Variants in SYTL5 observed in about 807,000 individuals in gnomAD.
The protein encoded by SYTL5 is synaptotagmin-like protein 5.
In SYTL5, 34 loss-of-function variants were observed where a neutral mutation model predicts 55.9. The ratio of observed to expected loss-of-function variants is 0.61; its 90% CI spans 0.46 to 0.81. The LOEUF is 0.81. Ranked by LOEUF, SYTL5 falls within the 30% of genes least tolerant of loss-of-function variation. SYTL5 has a pLI of 0.00. For synonymous variants in SYTL5, 221 were observed against 188.7 expected, an observed-to-expected ratio of 1.17 and a Z score of -1.40; for missense variants, 637 against 546.7, an observed-to-expected ratio of 1.17 and a Z score of -1.65.
At chrX:38,069,892 ATAACT>A (rs989510498) in intron 3 of SYTL5, among the ~76,000 whole-genome samples, 5 of 112,101 alleles carry the variant, frequency 4.5e-5, no homozygotes, top group Non-Finnish European at 9.4e-5. Flanking sequence ...GTATCCAGAA[ATAACT>A]TAACCCATTC....
chrX:38,072,057 A>T lies in SYTL5; in HGVS notation c.340A>T (p.Ile114Phe). 1 of 1,205,369 alleles carries T rather than the reference A, an allele frequency of 8.3e-7. No individual in the cohort carries two copies. Among genetic ancestry groups the T allele is most frequent in the Non-Finnish European group, 1.1e-6 (1 of 890,069 alleles). The part of the protein sequence containing the change: ...TVCDKIAQLR[I>F]ITGEWFFEEK... Reference sequence around the variant, plus strand: ...TTTTCCCTTGAGTAGGCAGCTAAGGATTATAACTGGTGAGTGGTTTTTTGA... The same window carrying T: ...TTTTCCCTTGAGTAGGCAGCTAAGGTTTATAACTGGTGAGTGGTTTTTTGA... Residue 114 changes from isoleucine to phenylalanine, a missense_variant, in exon 4 of 17, where the codon ATT becomes TTT. Physicochemically the swap from Ile to Phe is conservative, Grantham distance 21. Coordinates refer to ENST00000297875, the MANE Select transcript of SYTL5 (RefSeq NM_138780.3).
At chrX:38,036,255 A>G (rs777493574) in intron 2 of SYTL5, among the ~76,000 whole-genome samples, 22 of 111,365 alleles carry the variant, frequency 2.0e-4, no homozygotes, top group Non-Finnish European at 3.6e-4. Context: ...GCAGTGAGCC[A>G]AGATCGTGCC....
chrX:38,016,798 C>T (rs1340686145), intron 1 of SYTL5, among the ~76,000 whole-genome samples: 1 of 112,167 alleles, frequency 8.9e-6, no homozygotes, highest in Non-Finnish European at 1.9e-5. Context: ...GAACATTGAA[C>T]TTTCAAGAGC....
chrX:37,891,666 C>T, the SYTL5 span, among the ~76,000 whole-genome samples: 4 of 110,648 alleles, frequency 3.6e-5, no homozygotes, highest in Non-Finnish European at 5.7e-5. Context: ...CACATACATA[C>T]GTGTGTGTGT....
intron 14 of SYTL5, 72 bp downstream of exon 14, chrX:38,120,538 T>C: frequency 2.5e-6 from 2 of 794,314 alleles, no homozygotes; most frequent in Admixed American, 2.3e-5. Flanking sequence ...ACTCAGGGAT[T>C]GGTTGCATTA....
the SYTL5 span, among the ~76,000 whole-genome samples, chrX:37,891,089 A>G: frequency 6.2e-5 from 7 of 112,038 alleles, no homozygotes; most frequent in African/African-American, 2.3e-4. Context: ...TATAGTTTAA[A>G]CATAGAGTAC....
At chrX:37,971,833 C>A in the SYTL5 span, among the ~76,000 whole-genome samples, 5 of 106,969 alleles carry the variant, frequency 4.7e-5, no homozygotes, top group Non-Finnish European at 9.6e-5. Flanking sequence ...AAAGGAGGAA[C>A]TGAGCTGTGC....
At chrX:38,009,579 T>G (rs756877238) in intron 1 of SYTL5, among the ~76,000 whole-genome samples, 1 of 111,895 alleles carries the variant, frequency 8.9e-6, no homozygotes, top group Non-Finnish European at 1.9e-5. Flanking sequence ...GAAGCCATCC[T>G]CTCTCATCTC....
chrX:38,113,245 A>G (rs903422870), intron 13 of SYTL5, among the ~76,000 whole-genome samples: 1 of 112,405 alleles, frequency 8.9e-6, no homozygotes, highest in South Asian at 3.7e-4. Flanking sequence ...AGGTTTTATC[A>G]GTATGAATTG....
chrX:38,040,330 A>C (rs73465427), intron 2 of SYTL5, among the ~76,000 whole-genome samples: 10,888 of 110,931 alleles, frequency 0.098, 867 homozygotes, highest in Admixed American at 0.23. Context: ...TTGAGTTACA[A>C]ATAATCCAAA....
chrX:37,966,586 C>T, the SYTL5 span, among the ~76,000 whole-genome samples: 2 of 108,640 alleles, frequency 1.8e-5, no homozygotes, highest in Non-Finnish European at 3.8e-5. Flanking sequence ...TACAGATGCA[C>T]GCCACCACGT....
At chrX:37,901,725 C>A in the SYTL5 span, among the ~76,000 whole-genome samples, 1 of 111,758 alleles carries the variant, frequency 8.9e-6, no homozygotes, top group South Asian at 3.7e-4. Flanking sequence ...CTAGAATAGG[C>A]AACAAATGAA....
At chrX:37,980,628 A>G in the SYTL5 span, among the ~76,000 whole-genome samples, 2 of 112,201 alleles carry the variant, frequency 1.8e-5, no homozygotes, top group East Asian at 5.6e-4. Context: ...TGGAAACTCC[A>G]CTTAGGACTG....
At chrX:37,939,086 C>T in the SYTL5 span, among the ~76,000 whole-genome samples, 13 of 109,713 alleles carry the variant, frequency 1.2e-4, no homozygotes, top group African/African-American at 3.6e-4. Context: ...GGAGAAACCA[C>T]GTCTCTACTA....
chrX:38,038,085 A>G (rs1471881929), intron 2 of SYTL5, among the ~76,000 whole-genome samples: 1 of 111,653 alleles, frequency 9.0e-6, no homozygotes, highest in Non-Finnish European at 1.9e-5. Context: ...GGGTTAGACG[A>G]GGTACATCCA....
At chrX:37,933,457 T>A in the SYTL5 span, among the ~76,000 whole-genome samples, 1 of 111,700 alleles carries the variant, frequency 9.0e-6, no homozygotes, top group Non-Finnish European at 1.9e-5. Flanking sequence ...GTTGAAGCAC[T>A]CTGCAACATT....
At chrX:38,043,684 TATATATAC>T (rs1329469060) in intron 2 of SYTL5, among the ~76,000 whole-genome samples, 1,338 of 72,520 alleles carry the variant, frequency 0.018, 33 homozygotes, top group African/African-American at 0.09. Flanking sequence ...TATATATATA[TATATATAC>T]ATATATATAT....
the SYTL5 span, among the ~76,000 whole-genome samples, chrX:37,952,300 G>A: frequency 1.8e-5 from 2 of 111,620 alleles, no homozygotes; most frequent in African/African-American, 6.5e-5. Context: ...CTAGCCCTGG[G>A]TTTGTCTGCA....
Position 38,096,174 on chromosome X carries a change from A to G in SYTL5, c.1002A>G (p.Thr334=), listed in dbSNP as rs754488447. ...AGTTAGATTTGAGTGAGTCATTTACAGAAGACTCAGAGGATACTGTAAGCA... is the reference window on the plus strand; with the variant it reads ...AGTTAGATTTGAGTGAGTCATTTACGGAAGACTCAGAGGATACTGTAAGCA... ...RSELDLSESF[T]EDSEDTVSIR... Residue 334 remains threonine (T), a synonymous_variant, in exon 9 of 17, where the codon ACA becomes ACG. Transcript: ENST00000297875. 5.0e-6 allele frequency: 6 copies of G among 1,197,568 alleles called. No homozygotes were observed. In the East Asian group the frequency reaches 9.0e-5, roughly 18 times the overall value.
Sources: gnomAD v4.1 joint callset for allele counts (sites outside exome capture counted in the v4.1 genomes callset) on GRCh38, gnomAD v4.1.1 for gene constraint, MANE v1.5 for transcripts, NCBI Gene and HGNC (gene_info 2026-07-23, HGNC 2026-07-21) for gene names.